The following PPP6R3 variants were observed in gnomAD, a reference collection of about 807,000 sequenced individuals.
PPP6R3 encodes the protein serine/threonine-protein phosphatase 6 regulatory subunit 3.
A neutral mutation model predicts 110.7 loss-of-function variants in PPP6R3; 38 were observed. The ratio of observed to expected loss-of-function variants is 0.34; its 90% CI spans 0.26 to 0.45. The LOEUF (loss-of-function observed/expected upper bound fraction) is 0.45, where lower values mean the gene tolerates loss of function less well. PPP6R3 is among the 20% of genes least tolerant of loss of function. The pLI is 1.00. For synonymous variants in PPP6R3, 369 were observed against 373.5 expected, an observed-to-expected ratio of 0.99 and a Z score of 0.14; for missense variants, 870 against 1,062.4, an observed-to-expected ratio of 0.82 and a Z score of 2.52.
intron 23 of PPP6R3, chr11:68,612,793 T>G: frequency 2.1e-6 from 1 of 485,676 alleles, no homozygotes; most frequent in Non-Finnish European, 3.6e-6. Flanking sequence ...CTGTGCTTCT[T>G]GGAGGCCGCG....
chr11:68,562,580 G>A (rs142232865), intron 8 of PPP6R3, among the ~76,000 whole-genome samples: 1 of 152,298 alleles, frequency 6.6e-6, no homozygotes, highest in East Asian at 1.9e-4. Flanking sequence ...CAGATCACTG[G>A]GACAGAGCAG....
At chr11:68,566,125 G>A (rs2099465997) in intron 9 of PPP6R3, among the ~76,000 whole-genome samples, 1 of 152,146 alleles carries the variant, frequency 6.6e-6, no homozygotes. Flanking sequence ...CACATTTCAG[G>A]TTTGTGATCC....
chr11:68,555,588 A>G (rs1260430128), intron 7 of PPP6R3, among the ~76,000 whole-genome samples: 1 of 152,184 alleles, frequency 6.6e-6, no homozygotes, highest in Non-Finnish European at 1.5e-5. Context: ...AGTCATTGCT[A>G]AGTTCTTCGT....
intron 22 of PPP6R3, among the ~76,000 whole-genome samples, chr11:68,608,252 A>G (rs1566194245): frequency 6.6e-6 from 1 of 152,222 alleles, no homozygotes. Context: ...AGAAAACCCA[A>G]ATTAGAAAAT....
intron 1 of PPP6R3, among the ~76,000 whole-genome samples, chr11:68,518,652 A>G (rs911414980): frequency 6.6e-6 from 1 of 152,208 alleles, no homozygotes; most frequent in African/African-American, 2.4e-5. Flanking sequence ...AAAATTAAAT[A>G]TACTCGTTTT....
At chr11:68,496,437 A>G (rs2099016378) in intron 1 of PPP6R3, among the ~76,000 whole-genome samples, 1 of 151,596 alleles carries the variant, frequency 6.6e-6, no homozygotes, top group African/African-American at 2.4e-5. Context: ...TAGCCTCTCT[A>G]GTGGCTGGGA....
chr11:68,503,565 C>G (rs1287705571), intron 1 of PPP6R3, among the ~76,000 whole-genome samples: 8 of 152,140 alleles, frequency 5.3e-5, no homozygotes, highest in Non-Finnish European at 1.2e-4. Context: ...GGAGAATGTT[C>G]TAATGAGGAG....
intron 2 of PPP6R3, among the ~76,000 whole-genome samples, chr11:68,526,738 A>G (rs2099200940): frequency 6.6e-6 from 1 of 152,186 alleles, no homozygotes; most frequent in Non-Finnish European, 1.5e-5. Context: ...ACAACCCCTC[A>G]GTCTCACTTC....
intron 1 of PPP6R3, among the ~76,000 whole-genome samples, chr11:68,463,466 C>G (rs1364995934): frequency 6.7e-6 from 1 of 149,092 alleles, no homozygotes; most frequent in Admixed American, 6.7e-5. Flanking sequence ...TATTTTATTT[C>G]TATGACAACT....
At chr11:68,496,647 A>G (rs1302872936) in intron 1 of PPP6R3, among the ~76,000 whole-genome samples, 1 of 150,476 alleles carries the variant, frequency 6.6e-6, no homozygotes, top group African/African-American at 2.4e-5. Flanking sequence ...TAATTTTTGT[A>G]TTTTTAGTAG....
In PPP6R3 at chr11:68,587,400, A is replaced by T. The variant is rs113703901; in HGVS notation, c.1633-527A>T. The T allele has an allele frequency of 6.7e-3, 1,048 of 156,412 alleles. 11 individuals are homozygous for T. The highest frequency in any genetic ancestry group is 0.024 in the African/African-American group (1,003 of 41,522). 9.7% of individuals were successfully genotyped at this position (156,412 alleles called of 1,614,324 possible). On this transcript the variant is annotated intron_variant, in intron 15 of 23. Coordinates refer to ENST00000393800, the MANE Select transcript of PPP6R3 (RefSeq NM_001164161.2). The stretch of plus-strand genomic sequence containing the variant: ...CCAGCCTCTAAGACTTAATTTTTTT[A>T]AAAAAAGAAATGAAATGTCCCTGAA...
chr11:68,555,346 T>C (rs193132735), intron 7 of PPP6R3, among the ~76,000 whole-genome samples: 6 of 152,346 alleles, frequency 3.9e-5, no homozygotes, highest in African/African-American at 1.2e-4. Flanking sequence ...GTTAGAAATG[T>C]TGAATATCAG....
At chr11:68,486,462 G>C (rs2098947917) in intron 1 of PPP6R3, among the ~76,000 whole-genome samples, 1 of 151,984 alleles carries the variant, frequency 6.6e-6, no homozygotes, top group Non-Finnish European at 1.5e-5. Context: ...AAAATTAGCT[G>C]GGTGTGGTGG....
intron 10 of PPP6R3, among the ~76,000 whole-genome samples, chr11:68,568,427 A>C (rs2099488047): frequency 6.6e-6 from 1 of 152,186 alleles, no homozygotes. Context: ...CTTCATTTTG[A>C]GATTAGATAA....
chr11:68,461,026 C>G (rs2098700792), intron 1 of PPP6R3, among the ~76,000 whole-genome samples, 199 bp downstream of exon 1: 1 of 151,798 alleles, frequency 6.6e-6, no homozygotes, highest in South Asian at 2.1e-4. Flanking sequence ...GCTCCCCGTC[C>G]GCTCCTGTTA....
chr11:68,490,771 G>A (rs1421667274), intron 1 of PPP6R3, among the ~76,000 whole-genome samples: 1 of 151,926 alleles, frequency 6.6e-6, no homozygotes, highest in Non-Finnish European at 1.5e-5. Flanking sequence ...CTGTTACAGT[G>A]TCTTTTTCTC....
intron 1 of PPP6R3, among the ~76,000 whole-genome samples, chr11:68,481,761 T>TA (rs1269036673): frequency 6.6e-6 from 1 of 152,254 alleles, no homozygotes; most frequent in Non-Finnish European, 1.5e-5. Flanking sequence ...CTGCCGTGCT[T>TA]ACTCACCTCC....
rs1156285158 is a variant in PPP6R3 at position 68,463,355 on chromosome 11, G to GAAAAAAAAA, written c.-158+2542_-158+2550dup. Among the ~76,000 whole-genome samples, 490 of 54,604 alleles carry GAAAAAAAAA rather than the reference G, an allele frequency of 9.0e-3. 48 individuals carry two copies. The highest frequency in any genetic ancestry group is 0.012 in the Non-Finnish European group (340 of 28,216). 35.8% of individuals were successfully genotyped at this position (54,604 alleles called of 152,430 possible). A position where few individuals can be genotyped will look rare whatever the true frequency, so the allele number is the denominator to read the frequency against. The stretch of plus-strand genomic sequence containing the variant: ...GGAGACAGAGCGAGACTCAGTCTCA[G>GAAAAAAAAA]AAAAAAAAAAAAAAAAAAAAAAGAT... On this transcript the variant is annotated intron_variant, in intron 1 of 23. Transcript: ENST00000393800.
intron 2 of PPP6R3, among the ~76,000 whole-genome samples, chr11:68,522,318 T>C (rs1858499865): frequency 6.6e-6 from 1 of 152,242 alleles, no homozygotes; most frequent in African/African-American, 2.4e-5. Flanking sequence ...AGAGCTCATC[T>C]CCTACAGGAA....
Sources: allele counts gnomAD v4.1 joint callset (sites outside exome capture counted in the v4.1 genomes callset), GRCh38; gene constraint gnomAD v4.1.1; transcripts MANE v1.5; gene names NCBI Gene and HGNC (gene_info 2026-07-23, HGNC 2026-07-21).